KPNA7: variants seen among roughly 807,000 people sequenced by gnomAD.
The protein encoded by KPNA7 is karyopherin subunit alpha 7.
In KPNA7, 54 loss-of-function variants were observed where a neutral mutation model predicts 53.7. The observed-to-expected ratio is 1.01, with a 90% CI of 0.81 to 1.26. The LOEUF (loss-of-function observed/expected upper bound fraction) is 1.26, where lower values mean the gene tolerates loss of function less well. KPNA7 is among the 50% of genes most tolerant of loss of function. The probability of loss-of-function intolerance (pLI) is 0.00; values close to 1 mark genes in which losing one functional copy is unlikely to be tolerated. For missense variants in KPNA7, 640 were observed against 644.5 expected, an observed-to-expected ratio of 0.99 and a Z score of 0.07; for synonymous variants, 276 against 259.3, an observed-to-expected ratio of 1.06 and a Z score of -0.62.
intron 7 of KPNA7, among the ~76,000 whole-genome samples, chr7:99,187,555 ATTTTT>A (rs36042018): frequency 1.7e-4 from 21 of 124,426 alleles, no homozygotes; most frequent in African/African-American, 6.2e-4. Flanking sequence ...CACCCAGCTA[ATTTTT>A]TTTTTTTTTT....
rs560920715 is a variant in KPNA7 at position 99,178,080 on chromosome 7, C to G, written c.1318-14G>C. 9 of 1,550,480 alleles carry G rather than the reference C, an allele frequency of 5.8e-6. No homozygotes were observed. The highest frequency in any genetic ancestry group is 1.2e-5 in the South Asian group (1 of 83,792). ...TTTCTCTGCCGCCTGTGACCAAGTACAAGGGGACATGAGACCCCCGGCAGG... is the reference window on the plus strand; with the variant it reads ...TTTCTCTGCCGCCTGTGACCAAGTAGAAGGGGACATGAGACCCCCGGCAGG... On this transcript the variant is annotated splice_polypyrimidine_tract_variant and intron_variant, in intron 9 of 10. Coordinates refer to ENST00000327442, the MANE Select transcript of KPNA7 (RefSeq NM_001145715.3).
the KPNA7 span, among the ~76,000 whole-genome samples, chr7:99,153,815 A>T: frequency 0.011 from 1,702 of 152,032 alleles, 35 homozygotes; most frequent in African/African-American, 0.039. Context: ...CAAAAAAAAT[A>T]AAAATAAAAA....
intron 10 of KPNA7, among the ~76,000 whole-genome samples, chr7:99,174,568 C>T (rs906771183): frequency 7.9e-5 from 12 of 152,132 alleles, no homozygotes; most frequent in African/African-American, 2.9e-4. Context: ...CTGGCAACCA[C>T]CATTCTACTT....
the KPNA7 span, among the ~76,000 whole-genome samples, chr7:99,166,557 C>T: frequency 3.9e-5 from 6 of 152,054 alleles, no homozygotes; most frequent in African/African-American, 1.4e-4. Context: ...TTAAGTGATC[C>T]ACCTGCCTCA....
the KPNA7 span, among the ~76,000 whole-genome samples, chr7:99,165,358 T>C: frequency 2.0e-5 from 3 of 150,266 alleles, no homozygotes; most frequent in Non-Finnish European, 4.4e-5. Context: ...ATCTGCCACC[T>C]AGGGCATCCT....
At chr7:99,169,419 A>T (rs1320974136), downstream of KPNA7, among the ~76,000 whole-genome samples, 1 of 151,570 alleles carries the variant, frequency 6.6e-6, no homozygotes, top group African/African-American at 2.4e-5. Flanking sequence ...CAGGAGTTCA[A>T]GACCAGCCTG....
intron 1 of KPNA7, among the ~76,000 whole-genome samples, chr7:99,207,728 C>T (rs1191240542): frequency 7.2e-6 from 1 of 138,796 alleles, no homozygotes; most frequent in Non-Finnish European, 1.5e-5. Context: ...CTCCGCCTCC[C>T]GGGTTCAAGT....
At chr7:99,206,894 C>T (rs935002703) in intron 2 of KPNA7, among the ~76,000 whole-genome samples, 2 of 152,154 alleles carry the variant, frequency 1.3e-5, no homozygotes, top group African/African-American at 4.8e-5. Flanking sequence ...TTTGTCTTCT[C>T]CACCTTTAAT....
At chr7:99,148,056 G>A in the KPNA7 span, among the ~76,000 whole-genome samples, 79,526 of 151,406 alleles carry the variant, frequency 0.53, 22,702 homozygotes, top group East Asian at 0.65. Flanking sequence ...ATAACAAAAA[G>A]CATTTGCCCA....
At chr7:99,194,972 G>T in intron 5 of KPNA7, 98 bp downstream of exon 5, 1 of 1,363,532 alleles carries the variant, frequency 7.3e-7, no homozygotes, top group South Asian at 1.4e-5. Context: ...ATGGCAAAGT[G>T]TTCTGGGACA....
chr7:99,170,569 T>G (rs1798754290), downstream of KPNA7, among the ~76,000 whole-genome samples: 1 of 152,156 alleles, frequency 6.6e-6, no homozygotes, highest in Non-Finnish European at 1.5e-5. Flanking sequence ...CTCAAACTCC[T>G]GGACTCAAGG....
upstream of KPNA7, among the ~76,000 whole-genome samples, chr7:99,210,400 T>A (rs1372133180): frequency 6.6e-6 from 1 of 151,482 alleles, no homozygotes; most frequent in Non-Finnish European, 1.5e-5. Context: ...CTCCCCATGG[T>A]AACAGTACTG....
At chr7:99,187,636 C>T (rs1789668648) in intron 7 of KPNA7, among the ~76,000 whole-genome samples, 1 of 148,930 alleles carries the variant, frequency 6.7e-6, no homozygotes, top group Non-Finnish European at 1.5e-5. Flanking sequence ...TCACTGCAAC[C>T]TCCACCTCCT....
At chr7:99,192,901 T>C in intron 6 of KPNA7, 118 bp downstream of exon 6, 2 of 638,054 alleles carry the variant, frequency 3.1e-6, no homozygotes, top group Non-Finnish European at 2.5e-6. Flanking sequence ...GGTAGGAGGA[T>C]TGCTTGAAGC....
intron 1 of KPNA7, among the ~76,000 whole-genome samples, chr7:99,217,978 G>C (rs1285406490): frequency 6.6e-6 from 1 of 152,048 alleles, no homozygotes; most frequent in East Asian, 1.9e-4. Flanking sequence ...CAACATGAAT[G>C]AGACGCACCT....
At chr7:99,211,274 G>A (rs1485325058), upstream of KPNA7, among the ~76,000 whole-genome samples, 1 of 152,144 alleles carries the variant, frequency 6.6e-6, no homozygotes, top group Non-Finnish European at 1.5e-5. Context: ...ACAAAGATTA[G>A]CCAGGTGTGG....
At chr7:99,178,771 CAAAAAAAAAAAAAAAAAAAAAAA>C (rs756807848) in intron 9 of KPNA7, among the ~76,000 whole-genome samples, 1 of 27,708 alleles carries the variant, frequency 3.6e-5, no homozygotes, top group Admixed American at 7.2e-4. Context: ...ATCTTTGTCT[CAAAAAAAAAAAAAAAAAAAAAAA>C]AAAAAAAAAA....
At chr7:99,207,842 G>T (rs1790901416) in intron 1 of KPNA7, among the ~76,000 whole-genome samples, 186 bp downstream of exon 1, 1 of 151,518 alleles carries the variant, frequency 6.6e-6, no homozygotes, top group African/African-American at 2.4e-5. Flanking sequence ...CACCACGTTG[G>T]CCAGGCTGGT....
Position 99,195,320 on chromosome 7 carries a change from T to C in KPNA7, c.303A>G (p.Glu101=). 1.3e-6 allele frequency: 2 copies of C among 1,551,486 alleles called. No individual in the cohort carries two copies. Among genetic ancestry groups the C allele is most frequent in the Non-Finnish European group, 1.7e-6 (2 of 1,146,888 alleles). Residue 101 remains glutamate, a synonymous_variant, in exon 5 of 11, where the codon GAA becomes GAG. Coordinates refer to ENST00000327442, the MANE Select transcript of KPNA7 (RefSeq NM_001145715.3). ...TQTARKMLSQ[E]KNPPLKLVIE... ...TGACCAGTTTCAGAGGGGGGTTCTTTTCCTGGGATAGCATTTTCCTATGCA... is the reference window on the plus strand; with the variant it reads ...TGACCAGTTTCAGAGGGGGGTTCTTCTCCTGGGATAGCATTTTCCTATGCA...
Sources: gnomAD v4.1 joint callset for allele counts (sites outside exome capture counted in the v4.1 genomes callset) on GRCh38, gnomAD v4.1.1 for gene constraint, MANE v1.5 for transcripts, NCBI Gene and HGNC (gene_info 2026-07-23, HGNC 2026-07-21) for gene names.